VRK2: variants seen among roughly 807,000 people sequenced by gnomAD.
The protein encoded by VRK2 is serine/threonine-protein kinase VRK2.
VRK2 carries 60 observed loss-of-function variants against 57.6 expected under a neutral mutation model. The observed-to-expected ratio is 1.04, with a 90% confidence interval of 0.85 to 1.29. The LOEUF (loss-of-function observed/expected upper bound fraction) is 1.29. VRK2 is among the 50% of genes most tolerant of loss of function. The pLI is 0.00. For synonymous variants in VRK2, 231 were observed against 199.2 expected, an observed-to-expected ratio of 1.16 and a Z score of -1.35; for missense variants, 705 against 588.1, an observed-to-expected ratio of 1.20 and a Z score of -2.06.
intron 12 of VRK2, among the ~76,000 whole-genome samples, chr2:58,150,562 G>GTTTTTTTTTTTTTGTTTTTTTTTTTTT (rs1682857795): frequency 2.1e-5 from 2 of 95,588 alleles, no homozygotes; most frequent in African/African-American, 7.6e-5. Flanking sequence ...TTTTTTTTTA[G>GTTTTTTTTTTTTTGTTTTTTTTTTTTT]TTTTTTTTTT....
At chr2:58,129,278 A>C (rs926431577) in intron 8 of VRK2, among the ~76,000 whole-genome samples, 1 of 152,176 alleles carries the variant, frequency 6.6e-6, no homozygotes, top group East Asian at 1.9e-4. Flanking sequence ...TAAATTGTGC[A>C]AATACATGAC....
At chr2:58,096,340 A>T (rs1278242473) in intron 7 of VRK2, among the ~76,000 whole-genome samples, 2 of 152,078 alleles carry the variant, frequency 1.3e-5, no homozygotes, top group Non-Finnish European at 2.9e-5. Context: ...TTTCTGTTAC[A>T]TTGGAACCAT....
In VRK2 at chr2:58,137,256, A is replaced by G. The variant is rs1289343049; in HGVS notation, c.856+2057A>G. On this transcript the variant is annotated intron_variant, in intron 10 of 12. Transcript: ENST00000340157. ...TACATATATATCATATATATGATATATATGATATATATGTGTTTGTATATA... is the reference window on the plus strand; with the variant it reads ...TACATATATATCATATATATGATATGTATGATATATATGTGTTTGTATATA... 1.8e-4 allele frequency among the ~76,000 whole-genome samples: 26 copies of G among 140,876 alleles called. 1 individual carries two copies. Among genetic ancestry groups the G allele is most frequent in the African/African-American group, 6.9e-4 (25 of 36,454 alleles). 92.4% of individuals were successfully genotyped at this position (140,876 alleles called of 152,430 possible). A position where few individuals can be genotyped will look rare whatever the true frequency, so the allele number is the denominator to read the frequency against.
intron 1 of VRK2, among the ~76,000 whole-genome samples, chr2:57,917,569 G>A (rs918828217): frequency 3.5e-4 from 52 of 149,800 alleles, no homozygotes; most frequent in African/African-American, 1.3e-3. Flanking sequence ...CTGGTTTCCT[G>A]CTTTCAACCA....
At chr2:58,082,717 T>G (rs868811805) in intron 2 of VRK2, among the ~76,000 whole-genome samples, 12 of 151,902 alleles carry the variant, frequency 7.9e-5, no homozygotes, top group South Asian at 6.2e-4. Context: ...TAACTTAACA[T>G]GAATGAAGGC....
chr2:58,048,316 T>G (rs1558563651), intron 1 of VRK2, among the ~76,000 whole-genome samples: 1 of 152,288 alleles, frequency 6.6e-6, no homozygotes, highest in Admixed American at 6.5e-5. Context: ...CCTGGCTCAT[T>G]TAACAAATGT....
At chr2:57,977,309 AG>A (rs1426538608) in intron 1 of VRK2, among the ~76,000 whole-genome samples, 1 of 152,310 alleles carries the variant, frequency 6.6e-6, no homozygotes, top group East Asian at 1.9e-4. Context: ...TGCTTTGGGT[AG>A]TATGGCCATT....
At chr2:57,980,117 T>A (rs1422288272) in intron 1 of VRK2, among the ~76,000 whole-genome samples, 1 of 152,158 alleles carries the variant, frequency 6.6e-6, no homozygotes, top group African/African-American at 2.4e-5. Context: ...TACCTCTAGA[T>A]GTGCTGTTAG....
intron 1 of VRK2, among the ~76,000 whole-genome samples, chr2:57,924,966 T>C (rs1421980521): frequency 2.0e-5 from 3 of 152,032 alleles, no homozygotes; most frequent in Admixed American, 2.0e-4. Context: ...ATTGAAATGA[T>C]CATATAGATT....
intron 11 of VRK2, among the ~76,000 whole-genome samples, chr2:58,142,440 G>T (rs1306241997): frequency 6.6e-6 from 1 of 151,116 alleles, no homozygotes; most frequent in Non-Finnish European, 1.5e-5. Context: ...ATGAATTTTT[G>T]TCAAGAGAGT....
chr2:58,070,221 T>A (rs1011323266), intron 2 of VRK2, among the ~76,000 whole-genome samples: 1 of 152,192 alleles, frequency 6.6e-6, no homozygotes, highest in Admixed American at 6.6e-5. Context: ...TTTGTTGTTA[T>A]TTGTTTTTTC....
At position 58,085,150 on chromosome 2, in the gene VRK2, A is replaced by G. The variant is rs139169227; in HGVS notation, c.256+200A>G. Among the ~76,000 whole-genome samples the G allele has an allele frequency of 2.8e-4, 42 of 152,094 alleles. No homozygotes were observed. In the East Asian group the frequency reaches 8.1e-3, roughly 29 times the overall value. On this transcript the variant is annotated intron_variant, in intron 4 of 12. Transcript: ENST00000340157. ...TGACATGACATACATAATGGGTTAT[A>G]TATTTTAAGTCAAAGTTGTTTCTAC... is the stretch of plus-strand genomic sequence containing the variant.
chr2:58,017,156 G>A (rs1673610630), intron 1 of VRK2, among the ~76,000 whole-genome samples: 1 of 152,154 alleles, frequency 6.6e-6, no homozygotes, highest in African/African-American at 2.4e-5. Flanking sequence ...GGTGTCTTTT[G>A]ACACAGTTGT....
intron 3 of VRK2, among the ~76,000 whole-genome samples, chr2:58,036,898 T>C (rs919595046): frequency 6.6e-6 from 1 of 152,072 alleles, no homozygotes; most frequent in South Asian, 2.1e-4. Context: ...ACATAACTCA[T>C]GAAGCCGGTA....
At chr2:58,106,167 T>C (rs1558642750) in intron 7 of VRK2, among the ~76,000 whole-genome samples, 1 of 151,944 alleles carries the variant, frequency 6.6e-6, no homozygotes, top group East Asian at 1.9e-4. Context: ...GAGAGTATCA[T>C]AGGTTTTTTC....
chr2:58,134,684 ATTAGAACATACCC>A (rs2104558219), intron 9 of VRK2, among the ~76,000 whole-genome samples: 1 of 151,528 alleles, frequency 6.6e-6, no homozygotes, highest in African/African-American at 2.4e-5. Context: ...GTTCAGTACC[ATTAGAACATACCC>A]TTTTGTCCAG....
chr2:58,107,586 G>A (rs180824596), intron 7 of VRK2, among the ~76,000 whole-genome samples: 1 of 152,132 alleles, frequency 6.6e-6, no homozygotes, highest in Non-Finnish European at 1.5e-5. Flanking sequence ...AGATTTAATT[G>A]TACAAAATTG....
chr2:58,147,214 C>A (rs761928901), intron 12 of VRK2: 33 of 517,352 alleles, frequency 6.4e-5, no homozygotes, highest in South Asian at 4.6e-4. Flanking sequence ...TGGCTCTGAA[C>A]TTCTTGACAG....
intron 1 of VRK2, among the ~76,000 whole-genome samples, chr2:57,978,685 CT>C: frequency 6.8e-6 from 1 of 146,618 alleles, no homozygotes; most frequent in South Asian, 2.2e-4. Context: ...TCCTTCCTTC[CT>C]TCTTTCTTTC....
Sources: allele counts gnomAD v4.1 joint callset (sites outside exome capture counted in the v4.1 genomes callset), GRCh38; gene constraint gnomAD v4.1.1; transcripts MANE v1.5; gene names NCBI Gene and HGNC (gene_info 2026-07-23, HGNC 2026-07-21).